Variants in RNF130 observed in about 807,000 individuals in gnomAD.
RNF130 encodes E3 ubiquitin-protein ligase RNF130.
Under a neutral mutation model 44.6 loss-of-function variants are expected in RNF130, and 21 were observed. That is an observed-to-expected ratio of 0.47 (90% confidence interval 0.33 to 0.68). The LOEUF is 0.68. Among genes scored for constraint, RNF130 ranks in the 30% least tolerant of loss-of-function variants. The pLI, the probability that RNF130 is intolerant of heterozygous loss-of-function variation, is 0.02. For missense variants in RNF130, 479 were observed against 560.6 expected (o/e 0.85, Z 1.47); for synonymous variants, 214 against 210.4 (o/e 1.02, Z -0.15).
chr5:180,019,042 C>T (rs762527455), intron 2 of RNF130, among the ~76,000 whole-genome samples: 1 of 152,126 alleles, frequency 6.6e-6, no homozygotes, highest in Non-Finnish European at 1.5e-5. Context: ...TCCTATATAA[C>T]CTATTATACG....
rs187135593 is a variant in RNF130 at position 180,070,081 on chromosome 5, C to T, written c.247+1375G>A. Among the ~76,000 whole-genome samples the T allele has an allele frequency of 4.9e-4, 75 of 152,330 alleles. 1 individual carries two copies. Among genetic ancestry groups the T allele is most frequent in the Non-Finnish European group, 9.7e-4 (66 of 68,026 alleles). On this transcript the variant is annotated intron_variant, in intron 1 of 8. Coordinates refer to ENST00000521389, the MANE Select transcript of RNF130 (RefSeq NM_018434.6). ...CTCCACAACAGCTTGCCTCCCCTTC[C>T]TCTTTCTACCCTTCCACGTGACCCT...
intron 2 of RNF130, among the ~76,000 whole-genome samples, chr5:180,030,663 A>G (rs1413939713): frequency 6.6e-6 from 1 of 152,152 alleles, no homozygotes; most frequent in African/African-American, 2.4e-5. Context: ...GCTTGCCAAC[A>G]TGCCAGCTCC....
At chr5:180,068,906 C>A (rs1561715992) in intron 1 of RNF130, among the ~76,000 whole-genome samples, 2 of 152,214 alleles carry the variant, frequency 1.3e-5, no homozygotes, top group Non-Finnish European at 2.9e-5. Context: ...TGCAGTAAGT[C>A]CTCAATAAAC....
chr5:179,952,303 G>C (rs1762137817), downstream of RNF130, among the ~76,000 whole-genome samples: 1 of 151,830 alleles, frequency 6.6e-6, no homozygotes, highest in Admixed American at 6.6e-5. Flanking sequence ...AGATACAAAT[G>C]ACTCAAACTG....
chr5:179,972,432 G>C (rs1261539789), intron 5 of RNF130, among the ~76,000 whole-genome samples: 2 of 152,238 alleles, frequency 1.3e-5, no homozygotes, highest in East Asian at 3.8e-4. Flanking sequence ...GGTGGACGAT[G>C]GGACTTGGCT....
At chr5:180,061,061 T>A (rs1582231432) in intron 1 of RNF130, among the ~76,000 whole-genome samples, 1 of 89,014 alleles carries the variant, frequency 1.1e-5, no homozygotes. Flanking sequence ...ACAGCGAGAC[T>A]CCGTCTCAAA....
chr5:180,058,315 G>A (rs10056991), intron 1 of RNF130, among the ~76,000 whole-genome samples: 121,657 of 152,116 alleles, frequency 0.8, 48,859 homozygotes, highest in South Asian at 0.93. Flanking sequence ...TGTTACAGCT[G>A]GTAAAAATGT....
intron 3 of RNF130, among the ~76,000 whole-genome samples, chr5:179,980,970 A>G (rs888312540): frequency 6.6e-6 from 1 of 152,142 alleles, no homozygotes; most frequent in Non-Finnish European, 1.5e-5. Context: ...GCCAGGTGGC[A>G]GCACAGAGGA....
chr5:180,066,205 T>TC (rs1422217957), intron 1 of RNF130, among the ~76,000 whole-genome samples: 2 of 152,180 alleles, frequency 1.3e-5, no homozygotes, highest in Non-Finnish European at 2.9e-5. Context: ...GGAGGCGGTT[T>TC]CCCCCATACT....
At chr5:180,046,117 G>A (rs1160872806) in intron 1 of RNF130, among the ~76,000 whole-genome samples, 1 of 152,184 alleles carries the variant, frequency 6.6e-6, no homozygotes, top group African/African-American at 2.4e-5. Flanking sequence ...TCTGTGCGCG[G>A]TGGACCGCGG....
At chr5:180,001,191 A>C (rs1763328343) in intron 3 of RNF130, among the ~76,000 whole-genome samples, 2 of 152,194 alleles carry the variant, frequency 1.3e-5, no homozygotes, top group South Asian at 4.1e-4. Context: ...TGTCTGCTGC[A>C]GTGGTGTAGG....
At chr5:179,920,550 G>A (rs1161804140) in intron 7 of RNF130, 2 of 607,174 alleles carry the variant, frequency 3.3e-6, no homozygotes, top group African/African-American at 1.8e-5. Context: ...CTTCATAAGG[G>A]GCTCTTATTA....
intron 2 of RNF130, among the ~76,000 whole-genome samples, chr5:180,017,206 G>A (rs1339698542): frequency 6.6e-6 from 1 of 152,168 alleles, no homozygotes; most frequent in Non-Finnish European, 1.5e-5. Flanking sequence ...GGATTTGACT[G>A]TTTCCTAATG....
intron 3 of RNF130, among the ~76,000 whole-genome samples, chr5:179,998,854 ATTTT>A (rs1243410906): frequency 0.012 from 1,037 of 86,312 alleles, 46 homozygotes; most frequent in Middle Eastern, 0.023. Flanking sequence ...TAGATCTAGT[ATTTT>A]TTATATATAT....
chr5:179,933,851 G>T, intron 7 of RNF130: 1 of 786,344 alleles, frequency 1.3e-6, no homozygotes, highest in African/African-American at 1.7e-5. Flanking sequence ...TTTTTGTCTT[G>T]CTTCTTCATG....
At chr5:180,048,881 T>C (rs1052892232) in intron 1 of RNF130, among the ~76,000 whole-genome samples, 4 of 152,216 alleles carry the variant, frequency 2.6e-5, no homozygotes, top group Admixed American at 2.0e-4. Context: ...CCTCCAGGTA[T>C]GTAATTTAAG....
At chr5:179,915,514 G>C (rs564273297) in exon 8 of RNF130, 1 of 152,280 alleles carries the variant, frequency 6.6e-6, no homozygotes, top group East Asian at 1.9e-4. Flanking sequence ...CTCTCCCTGG[G>C]TCCCATCAAC....
At chr5:179,920,637 A>T (rs1418007773) in intron 7 of RNF130, among the ~76,000 whole-genome samples, 1 of 152,142 alleles carries the variant, frequency 6.6e-6, no homozygotes, top group Non-Finnish European at 1.5e-5. Context: ...CGGATCCCCA[A>T]GAGACTAACC....
chr5:179,917,365 G>C (rs1053505200), exon 8 of RNF130: 8 of 152,432 alleles, frequency 5.2e-5, no homozygotes, highest in Non-Finnish European at 8.8e-5. Context: ...AGGCAGGGGG[G>C]TGGATGTGTG....
Sources: gnomAD v4.1 joint callset for allele counts (sites outside exome capture counted in the v4.1 genomes callset) on GRCh38, gnomAD v4.1.1 for gene constraint, MANE v1.5 for transcripts, NCBI Gene and HGNC (gene_info 2026-07-23, HGNC 2026-07-21) for gene names.